KANSL1: variants seen among roughly 807,000 people sequenced by gnomAD.
KANSL1 encodes the protein MLL1/MLL complex subunit KANSL1.
In KANSL1, 22 loss-of-function variants were observed where a neutral mutation model predicts 103.6. The observed-to-expected ratio is 0.21, with a 90% CI of 0.15 to 0.30. The LOEUF (loss-of-function observed/expected upper bound fraction) is 0.30. Among genes scored for constraint, KANSL1 ranks in the 10% least tolerant of loss-of-function variants. The probability of loss-of-function intolerance (pLI) is 1.00; values close to 1 mark genes in which losing one functional copy is unlikely to be tolerated. For missense variants in KANSL1, 1,337 were observed against 1,399.8 expected (o/e 0.96, Z 0.72); for synonymous variants, 600 against 527.6 (o/e 1.14, Z -1.88).
intron 7 of KANSL1, chr17:46,042,003 G>GT (rs2077343193): frequency 6.6e-6 from 1 of 151,692 alleles, no homozygotes; most frequent in Admixed American, 6.6e-5. Flanking sequence ...CGCTTCCCAG[G>GT]TTCATGCCAT....
chr17:46,108,090 A>G (rs2042648740), intron 2 of KANSL1, among the ~76,000 whole-genome samples: 1 of 152,212 alleles, frequency 6.6e-6, no homozygotes, highest in African/African-American at 2.4e-5. Context: ...AGCCAGCCTA[A>G]TATTGTATAA....
chr17:46,220,219 A>ATT (rs113260952), intron 1 of KANSL1, among the ~76,000 whole-genome samples: 8,585 of 144,982 alleles, frequency 0.059, 1 homozygote, highest in Middle Eastern at 0.095. Context: ...GTTCTTTAAA[A>ATT]TTTTTTTTTT....
intron 1 of KANSL1, among the ~76,000 whole-genome samples, chr17:46,217,086 G>A (rs1363483013): frequency 1.5e-5 from 2 of 137,424 alleles, no homozygotes; most frequent in African/African-American, 2.8e-5. Context: ...ACTCCAGCCT[G>A]AATGACAAAG....
chr17:46,130,552 G>T (rs1024016448), intron 2 of KANSL1, among the ~76,000 whole-genome samples: 5 of 152,198 alleles, frequency 3.3e-5, no homozygotes, highest in African/African-American at 1.2e-4. Context: ...TTCAGGAAAG[G>T]ATAGAACGAA....
intron 1 of KANSL1, among the ~76,000 whole-genome samples, chr17:46,200,544 C>T (rs2047766040): frequency 6.6e-6 from 1 of 152,096 alleles, no homozygotes; most frequent in African/African-American, 2.4e-5. Flanking sequence ...AGATCGAGAC[C>T]ATCCTGGCCA....
intron 1 of KANSL1, among the ~76,000 whole-genome samples, chr17:46,185,272 G>A (rs1225623957): frequency 6.6e-6 from 1 of 152,188 alleles, no homozygotes; most frequent in Non-Finnish European, 1.5e-5. Context: ...AGATCCATTA[G>A]GACGTTAATG....
chr17:46,054,300 CG>C (rs1264111731), intron 6 of KANSL1, among the ~76,000 whole-genome samples: 4 of 152,160 alleles, frequency 2.6e-5, no homozygotes, highest in Non-Finnish European at 5.9e-5. Context: ...ATGATCCACC[CG>C]TATCAGCTTC....
At chr17:46,217,944 T>C (rs886466509) in intron 1 of KANSL1, among the ~76,000 whole-genome samples, 8 of 152,156 alleles carry the variant, frequency 5.3e-5, no homozygotes, top group African/African-American at 1.9e-4. Flanking sequence ...GAGAATCACC[T>C]GAACCTGAGA....
At position 46,171,941 on chromosome 17, in the gene KANSL1, G is replaced by A. The variant is rs145477492; in HGVS notation, c.203C>T (p.Thr68Ile). 1.2e-6 allele frequency: 2 copies of A among 1,614,252 alleles called. No individual in the cohort carries two copies. Among genetic ancestry groups the A allele is most frequent in the Non-Finnish European group, 1.7e-6 (2 of 1,180,046 alleles). ...TTGCAGCTTTCCCAAGTCTTCCTTG[G>A]TAGGATTATTTCGGAAATCTAGGCT... ...DPSLDFRNNPTKEDLGKLQPL... is the reference protein window; with the variant it reads ...DPSLDFRNNPIKEDLGKLQPL... Residue 68 changes from threonine to isoleucine, a missense_variant, in exon 2 of 15, where the codon ACC becomes ATC. By Grantham distance (89) the Thr-to-Ile change is moderately conservative (BLOSUM62 -1). This residue lies in a region of KANSL1 where 557 missense variants were observed against 476.4 expected (regional missense o/e 1.17). Transcript: ENST00000432791.
intron 2 of KANSL1, among the ~76,000 whole-genome samples, chr17:46,103,608 T>TC (rs1402673895): frequency 1.3e-5 from 2 of 152,232 alleles, no homozygotes; most frequent in Non-Finnish European, 2.9e-5. Flanking sequence ...AACACGCTCC[T>TC]CCTCATTTTC....
At chr17:46,157,794 TC>T (rs2045509074) in intron 2 of KANSL1, among the ~76,000 whole-genome samples, 1 of 152,254 alleles carries the variant, frequency 6.6e-6, no homozygotes, top group Non-Finnish European at 1.5e-5. Context: ...CAAGCTTCAT[TC>T]TGTTTTCATC....
intron 1 of KANSL1, among the ~76,000 whole-genome samples, chr17:46,219,998 G>A (rs1293436007): frequency 6.6e-6 from 1 of 151,984 alleles, no homozygotes; most frequent in Non-Finnish European, 1.5e-5. Context: ...AGCTACTCGG[G>A]AGGCTGAGGC....
At chr17:46,197,243 C>G (rs2047642394), upstream of KANSL1, among the ~76,000 whole-genome samples, 1 of 152,216 alleles carries the variant, frequency 6.6e-6, no homozygotes, top group South Asian at 2.1e-4. Context: ...GAGGACCATC[C>G]CTCATTACCA....
chr17:46,201,724 T>A (rs866492397), intron 1 of KANSL1, among the ~76,000 whole-genome samples: 16,620 of 145,796 alleles, frequency 0.11, no homozygotes, highest in Non-Finnish European at 0.17. Flanking sequence ...AAAAAAAAAT[T>A]AAGTCCAGGT....
intron 2 of KANSL1, among the ~76,000 whole-genome samples, chr17:46,108,156 C>T (rs2042651863): frequency 6.6e-6 from 1 of 152,210 alleles, no homozygotes; most frequent in East Asian, 1.9e-4. Flanking sequence ...AGTTGTTTAC[C>T]ATCTCTAAAA....
chr17:46,180,061 T>C (rs2046710707), intron 1 of KANSL1, among the ~76,000 whole-genome samples: 2 of 148,078 alleles, frequency 1.4e-5, no homozygotes, highest in Non-Finnish European at 3.0e-5. Context: ...CGAGACTCCA[T>C]CTTAAAAAAA....
chr17:46,212,754 G>T (rs1053588256), intron 1 of KANSL1, among the ~76,000 whole-genome samples: 1 of 151,890 alleles, frequency 6.6e-6, no homozygotes, highest in Non-Finnish European at 1.5e-5. Flanking sequence ...TTTTAATTTT[G>T]CCAATATATG....
chr17:46,160,788 ACCT>A (rs1278726592), intron 2 of KANSL1, among the ~76,000 whole-genome samples: 1 of 152,182 alleles, frequency 6.6e-6, no homozygotes, highest in African/African-American at 2.4e-5. Context: ...TGGTTGGTAG[ACCT>A]CTTTTCATCA....
chr17:46,134,774 G>A (rs1390722288), intron 2 of KANSL1, among the ~76,000 whole-genome samples: 1 of 152,142 alleles, frequency 6.6e-6, no homozygotes, highest in Non-Finnish European at 1.5e-5. Context: ...CAATCTGGAA[G>A]GCGGAAGCTG....
Sources: gnomAD v4.1 joint callset for allele counts (sites outside exome capture counted in the v4.1 genomes callset) on GRCh38, gnomAD v4.1.1 for gene constraint, gnomAD v4.1.1 regional missense constraint, MANE v1.5 for transcripts, NCBI Gene and HGNC (gene_info 2026-07-23, HGNC 2026-07-21) for gene names.